The following TMEM232 variants were observed in gnomAD, a reference collection of about 807,000 sequenced individuals.
TMEM232 encodes transmembrane protein 232.
A neutral mutation model predicts 78.8 loss-of-function variants in TMEM232; 80 were observed. The ratio of observed to expected loss-of-function variants is 1.01; its 90% CI spans 0.85 to 1.22. The LOEUF is 1.22. TMEM232 is among the 50% of genes most tolerant of loss of function. The pLI is 0.00. For missense variants in TMEM232, 881 were observed against 742.2 expected (o/e 1.19, Z -2.17); for synonymous variants, 297 against 254.3 (o/e 1.17, Z -1.60).
intron 12 of TMEM232, 123 bp from the exon 13 acceptor site, chr5:110,425,039 G>A (rs569575003): frequency 2.6e-6 from 2 of 758,728 alleles, no homozygotes; most frequent in Non-Finnish European, 4.2e-6. Flanking sequence ...TTAACATAAA[G>A]TATTTGTGTA....
intron 11 of TMEM232, among the ~76,000 whole-genome samples, chr5:110,532,445 CT>C (rs965313447): frequency 6.6e-4 from 101 of 152,016 alleles, no homozygotes; most frequent in African/African-American, 2.3e-3. Context: ...ACATTACCTT[CT>C]TTTCAAAGGC....
chr5:110,713,680 T>C (rs976545031), intron 1 of TMEM232, among the ~76,000 whole-genome samples: 2 of 152,094 alleles, frequency 1.3e-5, no homozygotes, highest in Non-Finnish European at 2.9e-5. Flanking sequence ...GCCTATAAAC[T>C]AAAGCTTGTT....
intron 12 of TMEM232, among the ~76,000 whole-genome samples, chr5:110,477,699 C>CA (rs200655096): frequency 6.6e-6 from 1 of 150,632 alleles, no homozygotes; most frequent in Non-Finnish European, 1.5e-5. Context: ...AAACTGCTTA[C>CA]AAAAAAAAAT....
chr5:110,598,057 A>G (rs562334403), intron 10 of TMEM232, among the ~76,000 whole-genome samples: 30 of 152,328 alleles, frequency 2.0e-4, no homozygotes, highest in Admixed American at 8.5e-4. Flanking sequence ...AAAAGAAACT[A>G]CCATCAGAGC....
intron 1 of TMEM232, among the ~76,000 whole-genome samples, chr5:110,700,062 T>C (rs1162353750): frequency 6.6e-6 from 1 of 151,938 alleles, no homozygotes; most frequent in Admixed American, 6.6e-5. Context: ...ACTAGAAAAA[T>C]CCACTAAGCA....
chr5:110,548,500 A>T (rs1774061438), intron 11 of TMEM232, among the ~76,000 whole-genome samples: 1 of 151,694 alleles, frequency 6.6e-6, no homozygotes, highest in South Asian at 2.1e-4. Context: ...AACCAGTAAC[A>T]GTAAAATAAT....
Position 110,648,374 on chromosome 5 carries a change from C to T in TMEM232, c.126-6003G>A, listed in dbSNP as rs115934377. 4.6e-3 allele frequency among the ~76,000 whole-genome samples: 692 copies of T among 152,066 alleles called. 6 individuals are homozygous for T. Among genetic ancestry groups the T allele is most frequent in the African/African-American group, 0.016 (652 of 41,512 alleles). On this transcript the variant is annotated intron_variant, in intron 2 of 13. Transcript: ENST00000455884. The stretch of plus-strand genomic sequence containing the variant: ...TCTATCAAGATTCAAGACAGACATA[C>T]ACACTGACTTAGCAATATCACAACT...
In TMEM232 at chr5:110,449,507, C is replaced by A. The variant is rs185398514; in HGVS notation, c.1704-24591G>T. On this transcript the variant is annotated intron_variant, in intron 12 of 13. Transcript: ENST00000455884. ...AATCATCCCTTTAAAAGAATTCCTT[C>A]TCTATTTGCTGAGACTTTTTTTTTT... Among the ~76,000 whole-genome samples the A allele has an allele frequency of 2.6e-5, 4 of 151,470 alleles. No homozygotes were observed. The East Asian group carries it at 7.8e-4, about 30-fold the overall frequency.
At chr5:110,548,203 T>C (rs1774016312) in intron 11 of TMEM232, among the ~76,000 whole-genome samples, 1 of 151,252 alleles carries the variant, frequency 6.6e-6, no homozygotes, top group African/African-American at 2.4e-5. Context: ...TGAAGAATAC[T>C]GATTACATAA....
At chr5:110,599,555 A>T (rs1780633532) in intron 10 of TMEM232, among the ~76,000 whole-genome samples, 1 of 152,176 alleles carries the variant, frequency 6.6e-6, no homozygotes, top group Non-Finnish European at 1.5e-5. Context: ...GCCAACAAAG[A>T]TAAAAAAAGA....
chr5:110,610,278 G>GAAGGAAGGAAGGGA (rs1554057579), intron 8 of TMEM232, among the ~76,000 whole-genome samples: 3 of 146,076 alleles, frequency 2.1e-5, no homozygotes, highest in South Asian at 2.2e-4. Flanking sequence ...AAGGTGGGTG[G>GAAGGAAGGAAGGGA]GTGAAGGGAG....
At chr5:110,497,648 G>T (rs571087237) in intron 12 of TMEM232, among the ~76,000 whole-genome samples, 1 of 152,256 alleles carries the variant, frequency 6.6e-6, no homozygotes, top group South Asian at 2.1e-4. Context: ...AGCTAGTGAG[G>T]TTGACCCTTG....
At chr5:110,728,852 CTTT>C (rs36095992), upstream of TMEM232, among the ~76,000 whole-genome samples, 5 of 140,608 alleles carry the variant, frequency 3.6e-5, no homozygotes, top group African/African-American at 1.3e-4. Flanking sequence ...TTTTTTTCTG[CTTT>C]TTTTTTTTTT....
At chr5:110,634,622 G>A (rs1785559539) in intron 5 of TMEM232, among the ~76,000 whole-genome samples, 1 of 151,416 alleles carries the variant, frequency 6.6e-6, no homozygotes. Context: ...AGGTTAAAAT[G>A]GAAATTAAAA....
At chr5:110,618,711 T>C (rs1407337177) in intron 7 of TMEM232, 149 bp from the exon 8 acceptor site, 1 of 873,134 alleles carries the variant, frequency 1.1e-6, no homozygotes, top group Non-Finnish European at 1.7e-6. Context: ...GTGGAGCAAT[T>C]TACATAAGCA....
chr5:110,655,767 G>T (rs1255775413), intron 2 of TMEM232, among the ~76,000 whole-genome samples: 2 of 151,880 alleles, frequency 1.3e-5, no homozygotes, highest in Non-Finnish European at 2.9e-5. Context: ...GGACATGGAT[G>T]AAATTGGAAA....
intron 8 of TMEM232, among the ~76,000 whole-genome samples, chr5:110,606,953 T>C (rs894589964): frequency 6.6e-6 from 1 of 152,090 alleles, no homozygotes; most frequent in South Asian, 2.1e-4. Flanking sequence ...GAGAACAAAT[T>C]AAAAATTACT....
chr5:110,431,740 T>A (rs12658160), intron 12 of TMEM232, among the ~76,000 whole-genome samples: 14,457 of 151,620 alleles, frequency 0.095, 877 homozygotes, highest in African/African-American at 0.17. Flanking sequence ...GTAAGTGAAA[T>A]TAAGAAGTTG....
intron 12 of TMEM232, among the ~76,000 whole-genome samples, chr5:110,517,894 T>G (rs1318509170): frequency 6.6e-6 from 1 of 152,192 alleles, no homozygotes; most frequent in East Asian, 1.9e-4. Context: ...ACAGGACTTT[T>G]TGGGTCTTAA....
Sources: allele counts gnomAD v4.1 joint callset (sites outside exome capture counted in the v4.1 genomes callset), GRCh38; gene constraint gnomAD v4.1.1; transcripts MANE v1.5; gene names NCBI Gene and HGNC (gene_info 2026-07-23, HGNC 2026-07-21).